Variants in KDM2B observed in about 807,000 individuals in gnomAD.
KDM2B encodes the protein lysine demethylase 2B, also known as lysine-specific demethylase 2B.
Under a neutral mutation model 150.0 loss-of-function variants are expected in KDM2B, and 26 were observed. The observed-to-expected ratio is 0.17, with a 90% CI of 0.13 to 0.24. KDM2B has a LOEUF of 0.24. Ranked by LOEUF, KDM2B falls within the 10% of genes least tolerant of loss-of-function variation. The probability of loss-of-function intolerance (pLI) is 1.00; values close to 1 mark genes in which losing one functional copy is unlikely to be tolerated. For missense variants in KDM2B, 1,265 were observed against 1,816.9 expected (o/e 0.70, Z 5.52); for synonymous variants, 734 against 729.5 (o/e 1.01, Z -0.10).
chr12:121,517,329 C>T (rs1369280942), intron 9 of KDM2B, among the ~76,000 whole-genome samples: 1 of 152,172 alleles, frequency 6.6e-6, no homozygotes, highest in African/African-American at 2.4e-5. Flanking sequence ...TGGGCAGTGA[C>T]ATTGCAGGAT....
At chr12:121,510,129 A>T (rs1885450823) in intron 10 of KDM2B, 90 bp from the exon 11 acceptor site, 1 of 1,117,516 alleles carries the variant, frequency 8.9e-7, no homozygotes, top group African/African-American at 1.6e-5. Flanking sequence ...AGTCCCCTTT[A>T]CTCCAGAGAT....
chr12:121,550,746 A>G (rs184044346), intron 4 of KDM2B, among the ~76,000 whole-genome samples: 3 of 152,268 alleles, frequency 2.0e-5, no homozygotes, highest in African/African-American at 7.2e-5. Context: ...CACCCACCTC[A>G]GCCTCCCAAA....
intron 1 of KDM2B, chr12:121,579,757 G>C: frequency 1.5e-6 from 2 of 1,314,656 alleles, no homozygotes; most frequent in Non-Finnish European, 2.0e-6. Context: ...CGAACCCCGA[G>C]CCCGCTCAGC....
At chr12:121,517,840 C>T (rs1399475464) in intron 9 of KDM2B, among the ~76,000 whole-genome samples, 1 of 152,110 alleles carries the variant, frequency 6.6e-6, no homozygotes, top group Admixed American at 6.6e-5. Flanking sequence ...TTCCCTCTGT[C>T]CCACCTCCTG....
chr12:121,445,527 C>A (rs994456413), intron 13 of KDM2B, 109 bp from the exon 14 acceptor site: 2 of 1,168,380 alleles, frequency 1.7e-6, no homozygotes, highest in Admixed American at 2.8e-5. Flanking sequence ...GCCAGGAGAC[C>A]CCCGGAAAGT....
At chr12:121,460,309 A>G (rs1878921277) in intron 12 of KDM2B, among the ~76,000 whole-genome samples, 1 of 152,272 alleles carries the variant, frequency 6.6e-6, no homozygotes, top group Admixed American at 6.5e-5. Flanking sequence ...TTATGATGAC[A>G]TTAAAAACTA....
chr12:121,449,627 AGTC>A (rs1876885560), intron 13 of KDM2B, among the ~76,000 whole-genome samples: 1 of 152,214 alleles, frequency 6.6e-6, no homozygotes, highest in Non-Finnish European at 1.5e-5. Flanking sequence ...AGAAAAAGAC[AGTC>A]GCGGGTTCAT....
At chr12:121,499,344 C>T (rs1412632111) in intron 11 of KDM2B, among the ~76,000 whole-genome samples, 3 of 149,988 alleles carry the variant, frequency 2.0e-5, no homozygotes, top group Non-Finnish European at 3.0e-5. Flanking sequence ...TGGTCTTGAA[C>T]TGCTGACCTC....
intron 9 of KDM2B, among the ~76,000 whole-genome samples, chr12:121,517,472 C>CTT (rs369989396): frequency 4.2e-5 from 6 of 142,180 alleles, no homozygotes; most frequent in South Asian, 2.2e-4. Context: ...TTTTTCTTTT[C>CTT]TTTTTTTTTT....
rs962288906 is a variant in KDM2B at position 121,549,761 on chromosome 12, T to C, written c.398-123A>G. The C allele has an allele frequency of 4.4e-5, 36 of 825,162 alleles. No individual in the cohort carries two copies. Among genetic ancestry groups the C allele is most frequent in the Middle Eastern group, 7.2e-4 (2 of 2,762 alleles). The allele number at this position is 825,162 out of a possible 1,614,324, so 51.1% of individuals were successfully genotyped here. ...TCCCCACAGTCCTCACCCCTCTTCCTCATCTGTTCAATTACCTCACCCCAT... is the reference window on the plus strand; with the variant it reads ...TCCCCACAGTCCTCACCCCTCTTCCCCATCTGTTCAATTACCTCACCCCAT... On this transcript the variant is annotated intron_variant, in intron 4 of 22. Coordinates refer to ENST00000377071, the MANE Select transcript of KDM2B (RefSeq NM_032590.5). The surrounding 1 kb of genome is among the most constrained non-coding windows in gnomAD (Gnocchi z 4.4).
intron 11 of KDM2B, among the ~76,000 whole-genome samples, chr12:121,508,931 C>T (rs960585041): frequency 1.5e-4 from 23 of 152,176 alleles, no homozygotes; most frequent in African/African-American, 4.8e-4. Flanking sequence ...TGGAGGGGTT[C>T]GTCTCTCGAG....
At chr12:121,448,356 T>C (rs9668388) in intron 13 of KDM2B, among the ~76,000 whole-genome samples, 2 of 146,014 alleles carry the variant, frequency 1.4e-5, no homozygotes, top group South Asian at 2.2e-4. Context: ...TCAGTTTTAA[T>C]TTTTTTTTTT....
chr12:121,446,231 TA>T (rs1281235471), intron 13 of KDM2B, among the ~76,000 whole-genome samples: 6 of 151,978 alleles, frequency 3.9e-5, no homozygotes, highest in Middle Eastern at 3.2e-3. Flanking sequence ...CCGTCTCTAC[TA>T]AAAATACAAA....
At position 121,487,083 on chromosome 12, in the gene KDM2B, T is replaced by C. The variant is rs147056275; in HGVS notation, c.1734+7496A>G. Reference sequence around the variant, plus strand: ...TGAGCCCAGGAGGTGGAGACTGCAGTGAGCTATGATCACACCACTTGTACT... The same window carrying C: ...TGAGCCCAGGAGGTGGAGACTGCAGCGAGCTATGATCACACCACTTGTACT... On this transcript the variant is annotated intron_variant, in intron 12 of 22. Coordinates refer to ENST00000377071, the MANE Select transcript of KDM2B (RefSeq NM_032590.5). Among the ~76,000 whole-genome samples the C allele has an allele frequency of 3.3e-5, 5 of 152,082 alleles. No homozygotes were observed. In the East Asian group the frequency reaches 9.7e-4, roughly 30 times the overall value.
At chr12:121,512,678 C>T (rs1328100455) in intron 10 of KDM2B, among the ~76,000 whole-genome samples, 9 of 152,138 alleles carry the variant, frequency 5.9e-5, no homozygotes, top group Non-Finnish European at 1.3e-4. Flanking sequence ...AACTTCAGGG[C>T]GGGCGTCTGT....
rs529765321 is a variant in KDM2B, at chr12:121,509,104, G to A, written c.1647+463C>T. Among the ~76,000 whole-genome samples, 17 of 152,238 alleles carry A rather than the reference G, an allele frequency of 1.1e-4. No individual in the cohort carries two copies. In the South Asian group the frequency reaches 3.1e-3, roughly 28 times the overall value. ...GACAGAGTCTTGCTCTGTTGCCCAG[G>A]CTGGAGTGCAGTGGTGCGATCTCAG... On this transcript the variant is annotated intron_variant, in intron 11 of 22. Coordinates refer to ENST00000377071, the MANE Select transcript of KDM2B (RefSeq NM_032590.5).
At chr12:121,559,403 G>A (rs1890164020) in intron 4 of KDM2B, among the ~76,000 whole-genome samples, 2 of 152,136 alleles carry the variant, frequency 1.3e-5, no homozygotes, top group South Asian at 4.1e-4. Flanking sequence ...GGGCACCTGG[G>A]CTTCACGGAC....
At position 121,442,606 on chromosome 12, in the gene KDM2B, C is replaced by G; in HGVS notation, c.2835G>C (p.Glu945Asp). The G allele has an allele frequency of 6.2e-7, 1 of 1,602,372 alleles. No homozygotes were observed. Among genetic ancestry groups the G allele is most frequent in the Non-Finnish European group, 8.5e-7 (1 of 1,179,554 alleles). The change falls in exon 19 of 23, where the codon GAG becomes GAC. Residue 945 changes from glutamate (E) to aspartate (D), a missense_variant. Physicochemically the swap from Glu to Asp is conservative, Grantham distance 45. Around this residue, in one of 11 missense-constraint regions of KDM2B, gnomAD observed 418 missense variants for 402.4 expected, o/e 1.04. Coordinates refer to ENST00000377071, the MANE Select transcript of KDM2B (RefSeq NM_032590.5). The surrounding 1 kb of genome is among the most constrained non-coding windows in gnomAD (Gnocchi z 7.7). ...GCTCCTTGCTCAGCTCCCTGCTCAG[C>G]TCCTTGTTGGGAAGCCGCCGCTTCC... Reference protein sequence around the residue: ...MRRKRRLPNKELSRELSKELN... With the variant: ...MRRKRRLPNKDLSRELSKELN...
At chr12:121,419,041 G>GGGAAATTT in the KDM2B span, among the ~76,000 whole-genome samples, 1 of 152,134 alleles carries the variant, frequency 6.6e-6, no homozygotes, top group Non-Finnish European at 1.5e-5. Context: ...TAAATGCAGA[G>GGGAAATTT]GGAAATTTGG....
Sources: allele counts gnomAD v4.1 joint callset (sites outside exome capture counted in the v4.1 genomes callset), GRCh38; gene constraint gnomAD v4.1.1; regional missense constraint gnomAD v4.1.1; non-coding constraint Gnocchi (gnomAD v3.1); transcripts MANE v1.5; gene names NCBI Gene and HGNC (gene_info 2026-07-23, HGNC 2026-07-21).